KIZ: variants seen among roughly 807,000 people sequenced by gnomAD.
KIZ encodes kizuna centrosomal protein.
KIZ carries 68 observed loss-of-function variants against 79.6 expected under a neutral mutation model. The ratio of observed to expected loss-of-function variants is 0.85; its 90% CI spans 0.70 to 1.05. The LOEUF (loss-of-function observed/expected upper bound fraction) is 1.05. Among genes scored for constraint, KIZ ranks in the 50% least tolerant of loss-of-function variants. KIZ has a pLI of 0.00. For missense variants in KIZ, 797 were observed against 800.4 expected (o/e 1.00, Z 0.05); for synonymous variants, 280 against 281.8 (o/e 0.99, Z 0.06).
intron 4 of KIZ, among the ~76,000 whole-genome samples, chr20:21,148,577 A>G (rs192811462): frequency 1.2e-4 from 19 of 152,222 alleles, no homozygotes; most frequent in East Asian, 1.9e-4. Context: ...CTTCACCTCT[A>G]TTATATATAT....
At chr20:21,198,818 G>A (rs1282581769) in intron 6 of KIZ, 2 of 152,598 alleles carry the variant, frequency 1.3e-5, no homozygotes, top group East Asian at 1.9e-4. Flanking sequence ...AGGCAGTAAA[G>A]GGCAATGCCA....
chr20:21,137,200 G>A (rs2032244202), intron 3 of KIZ, among the ~76,000 whole-genome samples: 2 of 152,330 alleles, frequency 1.3e-5, no homozygotes, highest in South Asian at 2.1e-4. Context: ...TTGCCTTTAT[G>A]CTCCTGGTCT....
chr20:21,238,862 C>T (rs1222064436), intron 11 of KIZ, among the ~76,000 whole-genome samples: 2 of 152,172 alleles, frequency 1.3e-5, no homozygotes, highest in Non-Finnish European at 2.9e-5. Context: ...CTGTCTCTTC[C>T]CATTTCAAGG....
intron 4 of KIZ, among the ~76,000 whole-genome samples, chr20:21,152,196 G>A (rs887387813): frequency 2.0e-5 from 3 of 152,180 alleles, no homozygotes; most frequent in Non-Finnish European, 4.4e-5. Context: ...ACTTCATGGA[G>A]GGGAGAGGGA....
At chr20:21,207,777 C>T (rs2035895525) in intron 7 of KIZ, among the ~76,000 whole-genome samples, 1 of 152,118 alleles carries the variant, frequency 6.6e-6, no homozygotes, top group Non-Finnish European at 1.5e-5. Context: ...AATCTCGGCT[C>T]GCTGCCACCA....
chr20:21,159,238 C>T (rs1033522069), intron 4 of KIZ, among the ~76,000 whole-genome samples: 4 of 151,972 alleles, frequency 2.6e-5, no homozygotes, highest in Non-Finnish European at 5.9e-5. Context: ...AGGCTGGTCT[C>T]AAGTTCCTGG....
At chr20:21,191,860 A>G (rs958461490) in intron 6 of KIZ, among the ~76,000 whole-genome samples, 3 of 151,548 alleles carry the variant, frequency 2.0e-5, no homozygotes, top group African/African-American at 7.3e-5. Flanking sequence ...AAAAAAAAAA[A>G]GCAGCCCCAA....
chr20:21,166,148 ATTTTTT>A (rs34056823), intron 6 of KIZ: 5 of 668,234 alleles, frequency 7.5e-6, no homozygotes, highest in Non-Finnish European at 9.8e-6. Flanking sequence ...TGTATTTTGT[ATTTTTT>A]TTTTTTTTTT....
At chr20:21,134,679 T>C (rs1417020215) in intron 2 of KIZ, among the ~76,000 whole-genome samples, 1 of 151,192 alleles carries the variant, frequency 6.6e-6, no homozygotes, top group Non-Finnish European at 1.5e-5. Flanking sequence ...TTTTTTTTTT[T>C]TCCCCAAGAC....
At chr20:21,147,210 A>G (rs1042452840) in intron 4 of KIZ, among the ~76,000 whole-genome samples, 1 of 152,144 alleles carries the variant, frequency 6.6e-6, no homozygotes, top group Non-Finnish European at 1.5e-5. Context: ...ACATATTTAA[A>G]ATTAGGGCAA....
chr20:21,153,535 A>G (rs2033223567), intron 4 of KIZ, among the ~76,000 whole-genome samples: 1 of 152,226 alleles, frequency 6.6e-6, no homozygotes, highest in African/African-American at 2.4e-5. Flanking sequence ...GGTGATGACT[A>G]CATTTGTCAT....
chr20:21,231,815 C>T (rs971692865), intron 10 of KIZ, among the ~76,000 whole-genome samples: 5 of 152,164 alleles, frequency 3.3e-5, no homozygotes, highest in Admixed American at 6.5e-5. Flanking sequence ...AATGAAGAAG[C>T]AGTGCATGTT....
chr20:21,211,293 A>G (rs190971318), intron 7 of KIZ, among the ~76,000 whole-genome samples: 227 of 152,340 alleles, frequency 1.5e-3, no homozygotes, highest in Admixed American at 2.7e-3. Flanking sequence ...TGTCTGAAAT[A>G]TGGAGGTGTC....
At chr20:21,172,754 T>A (rs1192680271) in intron 6 of KIZ, among the ~76,000 whole-genome samples, 1 of 152,180 alleles carries the variant, frequency 6.6e-6, no homozygotes, top group Non-Finnish European at 1.5e-5. Context: ...TAAGCCACAT[T>A]CAGCTGTGCC....
intron 6 of KIZ, among the ~76,000 whole-genome samples, chr20:21,185,216 C>A (rs916781678): frequency 1.3e-5 from 2 of 152,108 alleles, no homozygotes; most frequent in Non-Finnish European, 1.5e-5. Context: ...AGTCCCCTAT[C>A]TTTTATGGCT....
At chr20:21,166,457 G>A (rs762137170) in intron 6 of KIZ, 15 of 1,582,076 alleles carry the variant, frequency 9.5e-6, no homozygotes, top group East Asian at 4.5e-5. Context: ...AAATTCGCCA[G>A]TGTAACCATG....
chr20:21,175,526 A>C (rs2034396351), intron 6 of KIZ, among the ~76,000 whole-genome samples: 1 of 152,170 alleles, frequency 6.6e-6, no homozygotes, highest in Non-Finnish European at 1.5e-5. Flanking sequence ...GAGCAAAGGC[A>C]GGAGTTAGAT....
intron 1 of KIZ, among the ~76,000 whole-genome samples, chr20:21,127,546 A>G (rs2122247804): frequency 6.6e-6 from 1 of 152,370 alleles, no homozygotes; most frequent in Non-Finnish European, 1.5e-5. Context: ...TTGAAAATAT[A>G]TAAGGAATGT....
intron 11 of KIZ, among the ~76,000 whole-genome samples, chr20:21,233,371 G>A (rs141735994): frequency 0.011 from 1,617 of 152,076 alleles, 17 homozygotes; most frequent in South Asian, 0.043. Context: ...TGTAGCACTC[G>A]CTTCTTGTAG....
Sources: allele counts gnomAD v4.1 joint callset (sites outside exome capture counted in the v4.1 genomes callset), GRCh38; gene constraint gnomAD v4.1.1; transcripts MANE v1.5; gene names NCBI Gene and HGNC (gene_info 2026-07-23, HGNC 2026-07-21).